Variants in PLEKHA1 observed in about 807,000 individuals in gnomAD.
PLEKHA1 encodes pleckstrin homology domain-containing family A member 1.
Under a neutral mutation model 52.0 loss-of-function variants are expected in PLEKHA1, and 34 were observed. The observed-to-expected ratio is 0.65, with a 90% CI of 0.50 to 0.87. PLEKHA1 has a LOEUF of 0.87. PLEKHA1 is among the 40% of genes least tolerant of loss of function. PLEKHA1 has a pLI of 0.00. For synonymous variants in PLEKHA1, 163 were observed against 170.7 expected, an observed-to-expected ratio of 0.95 and a Z score of 0.35; for missense variants, 497 against 504.2, an observed-to-expected ratio of 0.99 and a Z score of 0.14.
chr10:122,434,627 TTACA>T (rs1158667012), downstream of PLEKHA1: 1 of 151,856 alleles, frequency 6.6e-6, no homozygotes, highest in African/African-American at 2.4e-5. Flanking sequence ...TGCAGGTTAG[TTACA>T]TATGTATACA....
intron 11 of PLEKHA1, chr10:122,428,360 C>G: frequency 1.3e-6 from 2 of 1,544,558 alleles, no homozygotes; most frequent in Non-Finnish European, 1.7e-6. Flanking sequence ...TGTGGGCTCT[C>G]ACGCAAACGT....
chr10:122,376,530 AT>A (rs2096539644), intron 1 of PLEKHA1, among the ~76,000 whole-genome samples: 2 of 130,442 alleles, frequency 1.5e-5, no homozygotes, highest in African/African-American at 6.0e-5. Flanking sequence ...ATATATATAT[AT>A]ATAATATAAA....
chr10:122,438,417 A>G, the PLEKHA1 span: 5 of 152,346 alleles, frequency 3.3e-5, no homozygotes, highest in Non-Finnish European at 7.3e-5. Flanking sequence ...AGTTGGCTTG[A>G]CTTCTTCAAA....
chr10:122,442,264 CTT>C, the PLEKHA1 span: 2 of 151,948 alleles, frequency 1.3e-5, no homozygotes, highest in Non-Finnish European at 2.9e-5. Flanking sequence ...GTACTAGAGT[CTT>C]TACTTTTTTT....
chr10:122,400,722 A>T (rs1302219068), intron 4 of PLEKHA1, among the ~76,000 whole-genome samples: 1 of 152,254 alleles, frequency 6.6e-6, no homozygotes, highest in East Asian at 1.9e-4. Context: ...ACATATAAAT[A>T]ATTAAAAGGA....
At chr10:122,417,878 T>A in intron 7 of PLEKHA1, 22 bp from the exon 8 acceptor site, 2 of 1,578,146 alleles carry the variant, frequency 1.3e-6, no homozygotes, top group Non-Finnish European at 1.7e-6. Context: ...ACAAGTCTTA[T>A]GTCTGTGTTC....
At chr10:122,395,591 A>G (rs937338616) in intron 2 of PLEKHA1, among the ~76,000 whole-genome samples, 1 of 151,950 alleles carries the variant, frequency 6.6e-6, no homozygotes, top group Non-Finnish European at 1.5e-5. Flanking sequence ...TTGAATTACT[A>G]AAAAAATGGC....
intron 2 of PLEKHA1, among the ~76,000 whole-genome samples, chr10:122,394,201 A>G (rs1165943230): frequency 6.7e-6 from 1 of 149,318 alleles, no homozygotes; most frequent in Non-Finnish European, 1.5e-5. Flanking sequence ...CAGCCTCCCG[A>G]GTAGCTGGGA....
Position 122,393,287 on chromosome 10 carries a change from C to T in PLEKHA1, c.87C>T (p.Tyr29=), listed in dbSNP as rs1010565064. ...NENSGKFLRR[Y]FILDTREDSF... is the part of the protein sequence containing the mutation. ...ACAGTGGGAAATTTCTTCGAAGGTA[C>T]TTCATACTGGATACCAGAGAAGATA... Residue 29 remains tyrosine, a synonymous_variant, in exon 2 of 12, where the codon TAC becomes TAT. Coordinates refer to ENST00000368990, the MANE Select transcript of PLEKHA1 (RefSeq NM_001001974.4). This position sits in a 1 kb window ranked among gnomAD's most constrained non-coding sequence, Gnocchi z 4.5. 3 of 1,613,012 alleles carry T rather than the reference C, an allele frequency of 1.9e-6. No individual in the cohort carries two copies. Among genetic ancestry groups the T allele is most frequent in the Non-Finnish European group, 2.5e-6 (3 of 1,179,494 alleles).
chr10:122,428,779 T>G (rs1339217995), intron 11 of PLEKHA1, among the ~76,000 whole-genome samples: 2 of 151,968 alleles, frequency 1.3e-5, no homozygotes, highest in African/African-American at 4.8e-5. Flanking sequence ...AATAGGACTC[T>G]GTAGTGTTTT....
chr10:122,416,397 C>A (rs1397246365), intron 7 of PLEKHA1, among the ~76,000 whole-genome samples: 1 of 152,214 alleles, frequency 6.6e-6, no homozygotes, highest in Non-Finnish European at 1.5e-5. Flanking sequence ...CTTGTTTAGG[C>A]ATTGGCCTGA....
chr10:122,396,676 GTTA>G (rs2096853552), intron 2 of PLEKHA1, among the ~76,000 whole-genome samples: 1 of 152,054 alleles, frequency 6.6e-6, no homozygotes, highest in Non-Finnish European at 1.5e-5. Flanking sequence ...TTTTAAGTAC[GTTA>G]TTATAAAGTC....
Position 122,430,419 on chromosome 10 carries a change from T to C in PLEKHA1, c.*481T>C, listed in dbSNP as rs1368924091. The C allele has an allele frequency of 1.9e-5, 3 of 154,398 alleles. No individual in the cohort carries two copies. 9.6% of individuals were successfully genotyped at this position (154,398 alleles called of 1,614,324 possible). A position where few individuals can be genotyped will look rare whatever the true frequency, so the allele number is the denominator to read the frequency against. On this transcript the variant is annotated 3_prime_UTR_variant, in exon 12 of 12. Transcript: ENST00000368990. The stretch of plus-strand genomic sequence containing the variant: ...CCTAAACTCATGATGTCTGTGGTGC[T>C]GTAAAATTTATACTAAAATGTGGAC...
At position 122,431,272 on chromosome 10, in the gene PLEKHA1, C is replaced by G. The variant is rs1449402596; in HGVS notation, c.*1334C>G. Reference sequence around the variant, plus strand: ...AGTAGCTAGGATTACAGGTGCATGCCACCACACCTGGCTAATTTTTGTATT... The same window carrying G: ...AGTAGCTAGGATTACAGGTGCATGCGACCACACCTGGCTAATTTTTGTATT... On this transcript the variant is annotated 3_prime_UTR_variant, in exon 12 of 12. Transcript: ENST00000368990. 1.3e-5 allele frequency: 2 copies of G among 152,302 alleles called. No individual in the cohort carries two copies. The highest frequency in any genetic ancestry group is 1.5e-5 in the Non-Finnish European group (1 of 68,078). 9.4% of individuals were successfully genotyped at this position (152,302 alleles called of 1,614,324 possible). A position where few individuals can be genotyped will look rare whatever the true frequency, so the allele number is the denominator to read the frequency against.
chr10:122,417,756 A>C (rs1429439638), intron 7 of PLEKHA1, 144 bp from the exon 8 acceptor site: 1 of 568,852 alleles, frequency 1.8e-6, no homozygotes, highest in African/African-American at 1.9e-5. Flanking sequence ...ATGAGGTTTA[A>C]TTTATCGCAT....
At chr10:122,413,260 C>T (rs1242971916) in intron 6 of PLEKHA1, among the ~76,000 whole-genome samples, 1 of 152,062 alleles carries the variant, frequency 6.6e-6, no homozygotes, top group Non-Finnish European at 1.5e-5. Flanking sequence ...TCTTCATGTA[C>T]TTTTCACCTC....
chr10:122,408,080 A>G (rs565505834), intron 5 of PLEKHA1, among the ~76,000 whole-genome samples: 1 of 152,334 alleles, frequency 6.6e-6, no homozygotes, highest in South Asian at 2.1e-4. Flanking sequence ...TTTTAACCTG[A>G]TTCAGACATA....
intron 7 of PLEKHA1, among the ~76,000 whole-genome samples, chr10:122,416,300 C>T (rs983946127): frequency 1.3e-5 from 2 of 152,144 alleles, no homozygotes; most frequent in Non-Finnish European, 2.9e-5. Context: ...TTTACTCATA[C>T]TCAGGAGTGG....
chr10:122,392,793 A>T (rs1432952351), intron 1 of PLEKHA1, among the ~76,000 whole-genome samples: 1 of 152,150 alleles, frequency 6.6e-6, no homozygotes, highest in African/African-American at 2.4e-5. Context: ...CTAAATTTTA[A>T]CTTTTGTTGT....
Sources: gnomAD v4.1 joint callset for allele counts (sites outside exome capture counted in the v4.1 genomes callset) on GRCh38, gnomAD v4.1.1 for gene constraint, Gnocchi (gnomAD v3.1) non-coding constraint, MANE v1.5 for transcripts, NCBI Gene and HGNC (gene_info 2026-07-23, HGNC 2026-07-21) for gene names.